Variants in EML4 observed in about 807,000 individuals in gnomAD.
The protein encoded by EML4 is EMAP like 4.
Under a neutral mutation model 129.0 loss-of-function variants are expected in EML4, and 72 were observed. That is an observed-to-expected ratio of 0.56 (90% CI 0.46 to 0.68). EML4 has a LOEUF of 0.68. Ranked by LOEUF, EML4 falls within the 30% of genes least tolerant of loss-of-function variation. The pLI, the probability that EML4 is intolerant of heterozygous loss-of-function variation, is 0.00. For synonymous variants in EML4, 532 were observed against 405.0 expected (o/e 1.31, Z -3.77); for missense variants, 1,363 against 1,190.6 (o/e 1.14, Z -2.13).
intron 19 of EML4, among the ~76,000 whole-genome samples, chr2:42,320,195 ATAAGC>A (rs1424850624): frequency 6.6e-6 from 1 of 151,770 alleles, no homozygotes; most frequent in East Asian, 1.9e-4. Context: ...TCTCAACTTC[ATAAGC>A]TAAGAAACAA....
At chr2:42,264,131 A>C (rs1218009329) in intron 5 of EML4, among the ~76,000 whole-genome samples, 1 of 36,800 alleles carries the variant, frequency 2.7e-5, no homozygotes, top group East Asian at 1.9e-3. Context: ...TTTTTTTTTG[A>C]GACAGTGTCT....
intron 1 of EML4, among the ~76,000 whole-genome samples, chr2:42,244,101 G>GTTTTTT (rs147426155): frequency 7.4e-5 from 6 of 81,374 alleles, no homozygotes; most frequent in South Asian, 3.2e-4. Flanking sequence ...TTTGTTTTTT[G>GTTTTTT]TTTTTTTTTT....
intron 1 of EML4, among the ~76,000 whole-genome samples, chr2:42,181,401 C>T (rs867060408): frequency 6.6e-6 from 1 of 152,120 alleles, no homozygotes; most frequent in Non-Finnish European, 1.5e-5. Context: ...CGGACTCAAG[C>T]GATTCTCCTG....
At chr2:42,210,097 C>G (rs1223941272) in intron 1 of EML4, among the ~76,000 whole-genome samples, 1 of 152,076 alleles carries the variant, frequency 6.6e-6, no homozygotes, top group Non-Finnish European at 1.5e-5. Flanking sequence ...TAATTTAAAA[C>G]CCAATAACAC....
intron 1 of EML4, chr2:42,170,378 G>C (rs1558468846): frequency 6.6e-6 from 1 of 152,204 alleles, no homozygotes; most frequent in Non-Finnish European, 1.5e-5. Context: ...ATGCTGGGGA[G>C]AAGTGATTCT....
chr2:42,303,047 G>A lies in EML4; in HGVS notation c.1642-57G>A, dbSNP rs6749696. 440 of 1,551,096 alleles carry A rather than the reference G, an allele frequency of 2.8e-4. No individual in the cohort carries two copies. In the African/African-American group the frequency reaches 3.2e-3, roughly 11 times the overall value. ...GCTTACAGCTATAAATGCAGGCTTC[G>A]AGTAGTAATTAATGCATATTAGTAT... On this transcript the variant is annotated intron_variant, in intron 14 of 22. Transcript: ENST00000318522.
chr2:42,298,725 G>A (rs1241998268), intron 13 of EML4, among the ~76,000 whole-genome samples: 2 of 151,926 alleles, frequency 1.3e-5, no homozygotes, highest in East Asian at 3.8e-4. Context: ...CATCATTCTG[G>A]GAGGATTTTA....
intron 1 of EML4, among the ~76,000 whole-genome samples, chr2:42,197,560 G>T: frequency 6.7e-6 from 1 of 149,902 alleles, no homozygotes. Flanking sequence ...CAAAACAATA[G>T]TCTTCAGAAA....
At chr2:42,183,095 C>T (rs551062986) in intron 1 of EML4, among the ~76,000 whole-genome samples, 1 of 152,228 alleles carries the variant, frequency 6.6e-6, no homozygotes, top group African/African-American at 2.4e-5. Context: ...GTGGAGGTTG[C>T]AGTGAGCTGA....
chr2:42,284,626 C>A lies in EML4; in HGVS notation c.942-8C>A, dbSNP rs193147701. Reference sequence around the variant, plus strand: ...GTGTTTAAAATCATTCTTAATACTGCTTTTTAGCCTTGCTATACATCCTGA... The same window carrying A: ...GTGTTTAAAATCATTCTTAATACTGATTTTTAGCCTTGCTATACATCCTGA... On this transcript the variant is annotated splice_polypyrimidine_tract_variant and splice_region_variant and intron_variant, in intron 8 of 22. Coordinates refer to ENST00000318522, the MANE Select transcript of EML4 (RefSeq NM_019063.5). 3 of 1,604,914 alleles carry A rather than the reference C, an allele frequency of 1.9e-6. No individual in the cohort carries two copies. The East Asian group carries it at 6.7e-5, about 36-fold the overall frequency.
chr2:42,216,352 C>T (rs184046241), intron 1 of EML4, among the ~76,000 whole-genome samples: 2,370 of 144,836 alleles, frequency 0.016, 25 homozygotes, highest in Non-Finnish European at 0.026. Context: ...AAGCGATTCT[C>T]CTGCCTCAGC....
intron 1 of EML4, among the ~76,000 whole-genome samples, chr2:42,192,999 GT>G (rs1671691784): frequency 6.6e-6 from 1 of 152,314 alleles, no homozygotes; most frequent in South Asian, 2.1e-4. Flanking sequence ...AAACTGACAT[GT>G]TTGGCTGGTT....
Position 42,330,026 on chromosome 2 carries a change from T to G in EML4, c.2765T>G (p.Leu922Arg). ...EESRISSSPTLLENSLEQTVE... is the reference protein window; with the variant it reads ...EESRISSSPTRLENSLEQTVE... The stretch of plus-strand genomic sequence containing the variant: ...AGTAGAATAAGCAGTTCTCCCACAC[T>G]TCTGGAGAACAGCCTGGAACAAACT... Residue 922 changes from leucine to arginine, a missense_variant, in exon 23 of 23, where the codon CTT (leucine) becomes CGT (arginine). By Grantham distance (102) the Leu-to-Arg change is moderately radical. Transcript: ENST00000318522. 6.2e-7 allele frequency: 1 copy of G among 1,613,672 alleles called. No homozygotes were observed. The highest frequency in any genetic ancestry group is 8.5e-7 in the Non-Finnish European group (1 of 1,179,960).
chr2:42,275,577 C>T (rs1666609829), intron 6 of EML4, among the ~76,000 whole-genome samples: 1 of 152,174 alleles, frequency 6.6e-6, no homozygotes, highest in Non-Finnish European at 1.5e-5. Context: ...GAACAATATC[C>T]TACAGAATTT....
intron 1 of EML4, among the ~76,000 whole-genome samples, chr2:42,179,041 GA>G (rs895468160): frequency 6.6e-6 from 1 of 152,146 alleles, no homozygotes; most frequent in African/African-American, 2.4e-5. Context: ...GTAAGGGGGG[GA>G]AACAGTAACT....
At chr2:42,256,477 AT>A (rs747963508) in intron 2 of EML4, 23 bp from the exon 3 acceptor site, 4 of 1,570,182 alleles carry the variant, frequency 2.5e-6, no homozygotes, top group East Asian at 2.3e-5. Context: ...ATTTGATATA[AT>A]TTTTTTCCTT....
chr2:42,278,217 G>T (rs1294075454), intron 6 of EML4, among the ~76,000 whole-genome samples: 11 of 152,136 alleles, frequency 7.2e-5, no homozygotes, highest in Admixed American at 7.2e-4. Flanking sequence ...AGGTCACTGG[G>T]ATGCTAGAGG....
intron 16 of EML4, among the ~76,000 whole-genome samples, chr2:42,304,003 A>G (rs1247188474): frequency 6.6e-6 from 1 of 152,222 alleles, no homozygotes; most frequent in Non-Finnish European, 1.5e-5. Context: ...AAAATCATAA[A>G]GATTTCAAAT....
intron 1 of EML4, among the ~76,000 whole-genome samples, chr2:42,200,850 A>C (rs950527647): frequency 3.3e-5 from 5 of 152,194 alleles, no homozygotes; most frequent in Admixed American, 2.6e-4. Context: ...AGCGCTTTGC[A>C]GGGGACAGTA....
Sources: allele counts gnomAD v4.1 joint callset (sites outside exome capture counted in the v4.1 genomes callset), GRCh38; gene constraint gnomAD v4.1.1; transcripts MANE v1.5; gene names NCBI Gene and HGNC (gene_info 2026-07-23, HGNC 2026-07-21).